CR1L: variants seen among roughly 807,000 people sequenced by gnomAD.
CR1L encodes the protein complement component receptor 1-like protein.
CR1L carries 59 observed loss-of-function variants against 62.3 expected under a neutral mutation model. The observed-to-expected ratio is 0.95, with a 90% CI of 0.77 to 1.18. CR1L has a LOEUF of 1.18. Among genes scored for constraint, CR1L ranks in the 50% most tolerant of loss-of-function variants. CR1L has a pLI of 0.00. For synonymous variants in CR1L, 279 were observed against 248.7 expected, an observed-to-expected ratio of 1.12 and a Z score of -1.15; for missense variants, 700 against 702.8, an observed-to-expected ratio of 1.00 and a Z score of 0.04.
At chr1:207,645,973 G>A in intron 1 of CR1L, among the ~76,000 whole-genome samples, 1 of 150,578 alleles carries the variant, frequency 6.6e-6, no homozygotes, top group East Asian at 1.9e-4. Flanking sequence ...GGACTCTGCG[G>A]CTAGGGAGGG....
intron 1 of CR1L, among the ~76,000 whole-genome samples, chr1:207,646,347 A>T (rs1043359686): frequency 2.0e-5 from 3 of 152,180 alleles, no homozygotes; most frequent in Non-Finnish European, 4.4e-5. Context: ...TTTCCCCTAC[A>T]GCTCATAAAC....
intron 7 of CR1L, among the ~76,000 whole-genome samples, chr1:207,698,282 G>C (rs1260287146): frequency 6.6e-6 from 1 of 152,146 alleles, no homozygotes; most frequent in East Asian, 1.9e-4. Flanking sequence ...GATCATTTAA[G>C]AATCATTTCA....
chr1:207,714,946 G>A lies in CR1L; in HGVS notation c.1415-2518G>A, dbSNP rs563649734. Among the ~76,000 whole-genome samples the A allele has an allele frequency of 1.1e-4, 17 of 152,318 alleles. No individual in the cohort carries two copies. The East Asian group carries it at 3.3e-3, about 29-fold the overall frequency. ...TAATGAGAATAAGTGGGATGTCAGA[G>A]AGCCATCAATGAAAGATGACACCTG... is the stretch of plus-strand genomic sequence containing the variant. On this transcript the variant is annotated intron_variant, in intron 10 of 11. Transcript: ENST00000508064.
chr1:207,650,586 C>CA (rs1663207343), intron 1 of CR1L, among the ~76,000 whole-genome samples: 1 of 151,860 alleles, frequency 6.6e-6, no homozygotes, highest in Non-Finnish European at 1.5e-5. Context: ...TTTGTGGAAG[C>CA]AAAAAAGGTT....
chr1:207,683,891 T>C lies in CR1L; in HGVS notation c.397T>C (p.Ser133Pro), dbSNP rs1194952673. 1.2e-6 allele frequency: 2 copies of C among 1,613,522 alleles called. No individual in the cohort carries two copies. The highest frequency in any genetic ancestry group is 1.7e-6 in the Non-Finnish European group (2 of 1,179,622). ...CTCTAGATACCGACTCATTGGTTCC[T>C]CGTCTGCCACATGCATCATCTCAGG... ...CPKGYRLIGS[S>P]SATCIISGNT... Residue 133 changes from serine to proline, a missense_variant, in exon 4 of 12, where the codon TCG (serine) becomes CCG (proline). Transcript: ENST00000508064.
intron 3 of CR1L, among the ~76,000 whole-genome samples, chr1:207,680,056 G>A (rs977757994): frequency 2.0e-5 from 3 of 152,204 alleles, no homozygotes; most frequent in Non-Finnish European, 4.4e-5. Context: ...TTTATCCAAA[G>A]TCATATGATG....
At chr1:207,695,545 T>C (rs1312631966) in intron 5 of CR1L, among the ~76,000 whole-genome samples, 1 of 152,200 alleles carries the variant, frequency 6.6e-6, no homozygotes, top group Non-Finnish European at 1.5e-5. Flanking sequence ...TTGGCTTTGC[T>C]AGTCAGCATC....
Position 207,708,224 on chromosome 1 carries a change from A to C in CR1L, c.1375A>C (p.Asn459His). The change falls in exon 10 of 12, where the codon AAT becomes CAT. Residue 459 changes from asparagine to histidine, a missense_variant. By Grantham distance (68) the Asn-to-His change is moderately conservative. Coordinates refer to ENST00000508064, the MANE Select transcript of CR1L (RefSeq NM_175710.2). ...ATCTGCTGAATGTATCCTCTCGGGC[A>C]ATACTGCCCATTGGAGCATGAAGCC... Reference protein sequence around the residue: ...HSSAECILSGNTAHWSMKPPI... With the variant: ...HSSAECILSGHTAHWSMKPPI... The C allele has an allele frequency of 6.2e-7, 1 of 1,611,512 alleles. No individual in the cohort carries two copies. The highest frequency in any genetic ancestry group is 8.5e-7 in the Non-Finnish European group (1 of 1,179,468).
Position 207,709,021 on chromosome 1 carries a change from A to G in CR1L, c.1414+758A>G, listed in dbSNP as rs183487022. On this transcript the variant is annotated intron_variant, in intron 10 of 11. Transcript: ENST00000508064. Reference sequence around the variant, plus strand: ...TTGTATTACTTCTGAATCTGTAAGTATCATGTTTATTATATGTAATATTGT... The same window carrying G: ...TTGTATTACTTCTGAATCTGTAAGTGTCATGTTTATTATATGTAATATTGT... 1.1e-3 allele frequency: 360 copies of G among 316,470 alleles called. 2 individuals are homozygous for G. Among genetic ancestry groups the G allele is most frequent in the African/African-American group, 7.2e-3 (331 of 45,776 alleles). 19.6% of individuals were successfully genotyped at this position (316,470 alleles called of 1,614,324 possible).
intron 10 of CR1L, chr1:207,710,296 T>C (rs944250913): frequency 3.7e-6 from 3 of 802,060 alleles, no homozygotes; most frequent in African/African-American, 1.7e-5. Context: ...TGAGCCATGA[T>C]CGTGCCACTG....
chr1:207,681,724 A>G (rs1044589184), intron 3 of CR1L, among the ~76,000 whole-genome samples: 1 of 152,156 alleles, frequency 6.6e-6, no homozygotes, highest in Non-Finnish European at 1.5e-5. Flanking sequence ...CAAAAAGAAC[A>G]CTTTGAGAAA....
chr1:207,723,235 T>C (rs1654177136), intron 11 of CR1L, among the ~76,000 whole-genome samples: 1 of 151,938 alleles, frequency 6.6e-6, no homozygotes, highest in African/African-American at 2.4e-5. Context: ...ATTGAGACCA[T>C]CCTGGCCAAC....
rs371881509 is a variant in CR1L, at chr1:207,645,215, G to C, written c.-19G>C. The C allele has an allele frequency of 6.2e-7, 1 of 1,611,728 alleles. No individual in the cohort carries two copies. Among genetic ancestry groups the C allele is most frequent in the Non-Finnish European group, 8.5e-7 (1 of 1,179,536 alleles). On this transcript the variant is annotated 5_prime_UTR_variant, in exon 1 of 12. Transcript: ENST00000508064. The stretch of plus-strand genomic sequence containing the variant: ...CTCTGCTCACCTCCGGATAAATCAC[G>C]GGGTCTCCCGCGCCGCTCATGGCGC...
At chr1:207,677,298 ACT>A (rs1663708242) in intron 1 of CR1L, 89 bp from the exon 2 acceptor site, 1 of 1,148,868 alleles carries the variant, frequency 8.7e-7, no homozygotes, top group African/African-American at 2.0e-5. Flanking sequence ...ACAGAGGGAG[ACT>A]CTGTCACAAA....
chr1:207,659,878 G>A (rs1463067912), intron 1 of CR1L, among the ~76,000 whole-genome samples: 3 of 152,348 alleles, frequency 2.0e-5, no homozygotes, highest in South Asian at 2.1e-4. Flanking sequence ...GAGGTCCCAC[G>A]CCCACGGAGC....
intron 7 of CR1L, 82 bp downstream of exon 7, chr1:207,697,955 TA>T: frequency 1.3e-6 from 2 of 1,590,360 alleles, no homozygotes; most frequent in Admixed American, 1.7e-5. Context: ...TGATGTGGCT[TA>T]AAAAAAGACA....
intron 11 of CR1L, among the ~76,000 whole-genome samples, chr1:207,718,056 G>A (rs1654046233): frequency 6.6e-6 from 1 of 152,218 alleles, no homozygotes; most frequent in African/African-American, 2.4e-5. Flanking sequence ...TGGAGAGATG[G>A]ATGTGCTGCG....
chr1:207,693,307 A>G (rs999342375), intron 4 of CR1L, among the ~76,000 whole-genome samples: 3 of 152,122 alleles, frequency 2.0e-5, no homozygotes, highest in Non-Finnish European at 4.4e-5. Flanking sequence ...TAGTAGAGAC[A>G]GGGTTTCAAC....
intron 1 of CR1L, among the ~76,000 whole-genome samples, chr1:207,663,473 G>A (rs545176568): frequency 5.1e-4 from 78 of 152,360 alleles, no homozygotes; most frequent in African/African-American, 1.7e-3. Flanking sequence ...CTGGTGTGCC[G>A]TTTGTTAAGC....
Sources: gnomAD v4.1 joint callset for allele counts (sites outside exome capture counted in the v4.1 genomes callset) on GRCh38, gnomAD v4.1.1 for gene constraint, MANE v1.5 for transcripts, NCBI Gene and HGNC (gene_info 2026-07-23, HGNC 2026-07-21) for gene names.